ADAMTSL1: variants seen among roughly 807,000 people sequenced by gnomAD.
The protein encoded by ADAMTSL1 is ADAMTS like 1.
Under a neutral mutation model 201.8 loss-of-function variants are expected in ADAMTSL1, and 126 were observed. That is an observed-to-expected ratio of 0.62 (90% CI 0.54 to 0.72). ADAMTSL1 has a LOEUF of 0.72. Among genes scored for constraint, ADAMTSL1 ranks in the 30% least tolerant of loss-of-function variants. The pLI, the probability that ADAMTSL1 is intolerant of heterozygous loss-of-function variation, is 0.00. For synonymous variants in ADAMTSL1, 1,121 were observed against 903.4 expected (o/e 1.24, Z -4.32); for missense variants, 2,679 against 2,277.8 (o/e 1.18, Z -3.59).
chr9:18,126,692 GT>G (rs1825743871), intron 1 of ADAMTSL1, among the ~76,000 whole-genome samples: 1 of 152,160 alleles, frequency 6.6e-6, no homozygotes, highest in African/African-American at 2.4e-5. Flanking sequence ...GTTTGGCACA[GT>G]AACACGGAGA....
intron 3 of ADAMTSL1, among the ~76,000 whole-genome samples, chr9:18,553,521 A>AT (rs1346236789): frequency 2.0e-5 from 3 of 151,538 alleles, no homozygotes; most frequent in Non-Finnish European, 4.4e-5. Flanking sequence ...ATTTGATCCC[A>AT]TTTTTTCTCA....
chr9:18,473,985 GC>G, upstream of ADAMTSL1: 1 of 453,970 alleles, frequency 2.2e-6, no homozygotes, highest in Non-Finnish European at 3.9e-6. Context: ...TGTCCTCCTG[GC>G]TTTGTTATTC....
intron 2 of ADAMTSL1, among the ~76,000 whole-genome samples, chr9:18,191,981 ATCT>A (rs776561716): frequency 6.6e-6 from 1 of 152,138 alleles, no homozygotes; most frequent in Non-Finnish European, 1.5e-5. Flanking sequence ...TGCAATTAAG[ATCT>A]TCTTGTAATG....
intron 19 of ADAMTSL1, among the ~76,000 whole-genome samples, chr9:18,783,632 A>G (rs1456666452): frequency 6.6e-6 from 1 of 152,224 alleles, no homozygotes; most frequent in African/African-American, 2.4e-5. Flanking sequence ...AAGAGTTATT[A>G]AAAGAGCCAA....
chr9:18,770,597 C>G lies in ADAMTSL1; in HGVS notation c.2218-5C>G, dbSNP rs924784900. ...TTTTTCTTCTTTCCTTCTTTCTTTC[C>G]CCAGTGTTCCAGAACGTGTGGCGGG... On this transcript the variant is annotated splice_region_variant and splice_polypyrimidine_tract_variant and intron_variant, in intron 16 of 28. Coordinates refer to ENST00000380548, the MANE Select transcript of ADAMTSL1 (RefSeq NM_001040272.6). The G allele has an allele frequency of 4.4e-6, 7 of 1,605,366 alleles. No individual in the cohort carries two copies. The highest frequency in any genetic ancestry group is 6.0e-6 in the Non-Finnish European group (7 of 1,174,934).
intron 13 of ADAMTSL1, among the ~76,000 whole-genome samples, chr9:18,697,947 G>A (rs896113505): frequency 5.3e-5 from 8 of 152,110 alleles, no homozygotes; most frequent in African/African-American, 1.4e-4. Flanking sequence ...GTAGTTAAGA[G>A]CACAAAACCT....
At chr9:18,564,979 A>G (rs1187958188) in intron 3 of ADAMTSL1, among the ~76,000 whole-genome samples, 2 of 152,222 alleles carry the variant, frequency 1.3e-5, no homozygotes, top group Non-Finnish European at 2.9e-5. Context: ...GAAAAAGTAA[A>G]AGCACTGAAA....
At chr9:18,400,020 T>C (rs114319400) in intron 2 of ADAMTSL1, among the ~76,000 whole-genome samples, 1,765 of 152,248 alleles carry the variant, frequency 0.012, 33 homozygotes, top group African/African-American at 0.041. Flanking sequence ...TTAGTGATGA[T>C]TGATGAGTGC....
At chr9:17,944,607 C>T (rs547396667) in intron 1 of ADAMTSL1, among the ~76,000 whole-genome samples, 345 of 145,608 alleles carry the variant, frequency 2.4e-3, no homozygotes, top group African/African-American at 8.3e-3. Flanking sequence ...GTACTGGTAC[C>T]AAAACAGAGA....
chr9:18,361,168 G>GA (rs1836501601), intron 2 of ADAMTSL1, among the ~76,000 whole-genome samples: 1 of 151,582 alleles, frequency 6.6e-6, no homozygotes, highest in Non-Finnish European at 1.5e-5. Context: ...TGAATAGCAT[G>GA]AGAAAAAACA....
chr9:18,763,768 C>T (rs1422694344), intron 16 of ADAMTSL1, among the ~76,000 whole-genome samples: 1 of 152,180 alleles, frequency 6.6e-6, no homozygotes, highest in African/African-American at 2.4e-5. Context: ...ATGTTCTTGG[C>T]ACCTTTGTTG....
chr9:18,868,864 T>C (rs1013380787), intron 23 of ADAMTSL1, among the ~76,000 whole-genome samples: 4 of 152,222 alleles, frequency 2.6e-5, no homozygotes, highest in African/African-American at 9.6e-5. Context: ...TTGTGCTCTG[T>C]TTGGGATATC....
intron 1 of ADAMTSL1, among the ~76,000 whole-genome samples, chr9:18,058,364 C>A (rs1452406967): frequency 6.6e-6 from 1 of 152,124 alleles, no homozygotes; most frequent in African/African-American, 2.4e-5. Context: ...GGGCACACTG[C>A]CTTCCTGGAA....
intron 1 of ADAMTSL1, among the ~76,000 whole-genome samples, chr9:17,951,823 T>G (rs574992012): frequency 6.6e-6 from 1 of 152,246 alleles, no homozygotes; most frequent in South Asian, 2.1e-4. Flanking sequence ...TTTTTTTCTT[T>G]TTTCTGTTTT....
At chr9:18,791,691 G>A (rs1363293127) in intron 19 of ADAMTSL1, among the ~76,000 whole-genome samples, 1 of 152,156 alleles carries the variant, frequency 6.6e-6, no homozygotes, top group Non-Finnish European at 1.5e-5. Context: ...TGTAGATTCT[G>A]TCTTAAGACA....
At chr9:18,603,203 A>G (rs915197154) in intron 4 of ADAMTSL1, among the ~76,000 whole-genome samples, 3 of 141,668 alleles carry the variant, frequency 2.1e-5, no homozygotes, top group Non-Finnish European at 4.7e-5. Flanking sequence ...TATAACAACA[A>G]CTCTTGGAGG....
At chr9:18,485,345 T>A (rs1303512237) in intron 1 of ADAMTSL1, among the ~76,000 whole-genome samples, 1 of 152,226 alleles carries the variant, frequency 6.6e-6, no homozygotes, top group Non-Finnish European at 1.5e-5. Context: ...AGCTAACCAA[T>A]GTCCTTATTC....
intron 4 of ADAMTSL1, among the ~76,000 whole-genome samples, chr9:18,580,979 G>A (rs1301204878): frequency 6.6e-6 from 1 of 150,804 alleles, no homozygotes; most frequent in Non-Finnish European, 1.5e-5. Flanking sequence ...TTGCCTTCAG[G>A]TTAAAAAAAT....
intron 1 of ADAMTSL1, among the ~76,000 whole-genome samples, chr9:18,104,144 A>G (rs1232489200): frequency 6.6e-6 from 1 of 152,206 alleles, no homozygotes; most frequent in Admixed American, 6.5e-5. Flanking sequence ...GCTGAGGCCT[A>G]GGAGTATTTA....
Sources: allele counts gnomAD v4.1 joint callset (sites outside exome capture counted in the v4.1 genomes callset), GRCh38; gene constraint gnomAD v4.1.1; transcripts MANE v1.5; gene names NCBI Gene and HGNC (gene_info 2026-07-23, HGNC 2026-07-21).